Variants in SLC35D1 observed in about 807,000 individuals in gnomAD.
SLC35D1 encodes the protein solute carrier family 35 member D1.
SLC35D1 carries 31 observed loss-of-function variants against 46.7 expected under a neutral mutation model. The observed-to-expected ratio is 0.66, with a 90% CI of 0.50 to 0.90. SLC35D1 has a LOEUF of 0.90. Ranked by LOEUF, SLC35D1 falls within the 40% of genes least tolerant of loss-of-function variation. The pLI is 0.00. For missense variants in SLC35D1, 397 were observed against 426.2 expected (o/e 0.93, Z 0.60); for synonymous variants, 195 against 164.6 (o/e 1.18, Z -1.41).
intron 8 of SLC35D1, among the ~76,000 whole-genome samples, chr1:67,032,332 G>T (rs115898287): frequency 0.017 from 2,614 of 151,096 alleles, 85 homozygotes; most frequent in African/African-American, 0.06. Flanking sequence ...AACATGGTAG[G>T]TATATATTTA....
At chr1:66,994,648 A>C (rs200345980), downstream of SLC35D1, among the ~76,000 whole-genome samples, 2 of 117,942 alleles carry the variant, frequency 1.7e-5, no homozygotes, top group African/African-American at 9.3e-5. Context: ...TGTCTCAAAA[A>C]GAAAAAAAAA....
At chr1:67,040,530 TC>T (rs1249858663) in intron 8 of SLC35D1, among the ~76,000 whole-genome samples, 3 of 152,158 alleles carry the variant, frequency 2.0e-5, no homozygotes, top group African/African-American at 7.2e-5. Context: ...GTTTCTAAGG[TC>T]TTTGACTTCT....
chr1:66,994,504 C>T (rs1047781803), downstream of SLC35D1, among the ~76,000 whole-genome samples: 2 of 152,012 alleles, frequency 1.3e-5, no homozygotes, highest in African/African-American at 4.8e-5. Flanking sequence ...ACTAGCCAGA[C>T]GTGGTGGCAC....
the SLC35D1 span, among the ~76,000 whole-genome samples, chr1:66,990,969 G>T: frequency 1.3e-5 from 2 of 152,126 alleles, no homozygotes; most frequent in Admixed American, 6.5e-5. Context: ...ATAGGTTATA[G>T]CATAGCCTAT....
intron 8 of SLC35D1, among the ~76,000 whole-genome samples, chr1:67,026,852 G>A (rs1158450560): frequency 6.6e-6 from 1 of 152,108 alleles, no homozygotes; most frequent in African/African-American, 2.4e-5. Context: ...CCTCTTCACA[G>A]GGTGGCAAGA....
chr1:66,984,619 A>G, the SLC35D1 span: 1 of 1,610,174 alleles, frequency 6.2e-7, no homozygotes, highest in Non-Finnish European at 8.5e-7. Context: ...AGAGGAAGTA[A>G]AAGTTGAAGG....
chr1:67,013,777 T>C (rs1270342382), intron 10 of SLC35D1, among the ~76,000 whole-genome samples: 2 of 152,184 alleles, frequency 1.3e-5, no homozygotes, highest in African/African-American at 4.8e-5. Flanking sequence ...CGGTAAGAGC[T>C]ACAGTTTTAG....
the SLC35D1 span, among the ~76,000 whole-genome samples, chr1:66,989,692 T>A: frequency 2.0e-4 from 31 of 152,318 alleles, no homozygotes; most frequent in East Asian, 5.6e-3. Flanking sequence ...CTGGAAATCC[T>A]GGGCTCGAGT....
intron 7 of SLC35D1, 63 bp from the exon 8 acceptor site, chr1:67,042,391 A>G: frequency 2.3e-6 from 3 of 1,292,538 alleles, no homozygotes; most frequent in Non-Finnish European, 2.2e-6. Context: ...AACACTGTAC[A>G]AAATACCACT....
chr1:66,977,685 A>G, the SLC35D1 span, among the ~76,000 whole-genome samples: 2 of 152,230 alleles, frequency 1.3e-5, no homozygotes, highest in Non-Finnish European at 2.9e-5. Flanking sequence ...TGTTACTTAA[A>G]CAGAAAAGAG....
chr1:67,053,401 G>C (rs1050043065), intron 1 of SLC35D1, among the ~76,000 whole-genome samples: 9 of 152,202 alleles, frequency 5.9e-5, no homozygotes, highest in African/African-American at 1.9e-4. Flanking sequence ...AGCGGGTGCA[G>C]GGGACACTGA....
chr1:66,991,332 GAGA>G, the SLC35D1 span, among the ~76,000 whole-genome samples: 1 of 152,084 alleles, frequency 6.6e-6, no homozygotes, highest in Non-Finnish European at 1.5e-5. Context: ...CTGGGGAGAA[GAGA>G]AGAAACAATT....
chr1:67,010,375 T>G (rs547735790), intron 10 of SLC35D1, among the ~76,000 whole-genome samples: 1 of 152,214 alleles, frequency 6.6e-6, no homozygotes, highest in Admixed American at 6.5e-5. Flanking sequence ...AAAAAGGGAA[T>G]GGTGGGGACT....
intron 8 of SLC35D1, among the ~76,000 whole-genome samples, chr1:67,036,923 T>C (rs1173160044): frequency 6.6e-6 from 1 of 152,104 alleles, no homozygotes; most frequent in African/African-American, 2.4e-5. Context: ...ATTTCATTTC[T>C]TGCTTTTCAT....
chr1:67,051,135 G>A (rs576222286), intron 4 of SLC35D1, among the ~76,000 whole-genome samples: 22 of 152,104 alleles, frequency 1.4e-4, no homozygotes, highest in Non-Finnish European at 2.8e-4. Flanking sequence ...TTTCCTGGTG[G>A]GTAATGAAAT....
intron 10 of SLC35D1, among the ~76,000 whole-genome samples, chr1:67,013,497 G>A (rs1667618419): frequency 6.6e-6 from 1 of 152,036 alleles, no homozygotes; most frequent in Non-Finnish European, 1.5e-5. Flanking sequence ...CAAGGCTGCA[G>A]TGAGCCATGA....
chr1:66,976,579 C>T, the SLC35D1 span: 6 of 1,543,712 alleles, frequency 3.9e-6, no homozygotes, highest in Non-Finnish European at 5.2e-6. Flanking sequence ...TAAAAGCAAG[C>T]ATTTGTTTCT....
rs1482212122 is a variant in SLC35D1, at chr1:67,049,838, A to G, written c.477T>C (p.Ser159=). 1 of 1,613,598 alleles carries G rather than the reference A, an allele frequency of 6.2e-7. No individual in the cohort carries two copies. Among genetic ancestry groups the G allele is most frequent in the Admixed American group, 1.7e-5 (1 of 60,002 alleles). Residue 159 remains serine, a synonymous_variant, in exon 6 of 12, where the codon TCT becomes TCC. Coordinates refer to ENST00000235345, the MANE Select transcript of SLC35D1 (RefSeq NM_015139.3). ...AEGVLLKKTF[S]WGIKMTVFAM... ...CAAATACAGTCATTTTAATACCCCA[A>G]GAAAAAGTCTTCCTACAAAACAAAA...
chr1:67,042,445 A>C, intron 7 of SLC35D1, 117 bp from the exon 8 acceptor site: 1 of 856,000 alleles, frequency 1.2e-6, no homozygotes, highest in Non-Finnish European at 2.0e-6. Context: ...CTCCCCTACA[A>C]CATACACAGC....
Sources: allele counts gnomAD v4.1 joint callset (sites outside exome capture counted in the v4.1 genomes callset), GRCh38; gene constraint gnomAD v4.1.1; transcripts MANE v1.5; gene names NCBI Gene and HGNC (gene_info 2026-07-23, HGNC 2026-07-21).